COL10A1: variants seen among roughly 807,000 people sequenced by gnomAD.
COL10A1 encodes collagen type X alpha 1 chain.
A neutral mutation model predicts 18.2 loss-of-function variants in COL10A1; 10 were observed. The observed-to-expected ratio is 0.55, with a 90% confidence interval of 0.34 to 0.93. The LOEUF is 0.93. Ranked by LOEUF, COL10A1 falls within the 40% of genes least tolerant of loss-of-function variation. The pLI is 0.02. For synonymous variants in COL10A1, 330 were observed against 316.6 expected (o/e 1.04, Z -0.45); for missense variants, 897 against 853.5 (o/e 1.05, Z -0.64).
At chr6:116,140,338 CCTTTG>C (rs749929100) in intron 1 of COL10A1, among the ~76,000 whole-genome samples, 37 of 152,270 alleles carry the variant, frequency 2.4e-4, no homozygotes, top group Non-Finnish European at 3.4e-4. Flanking sequence ...GGGAGCACCA[CCTTTG>C]CTCTTCTGGG....
intron 1 of COL10A1, among the ~76,000 whole-genome samples, chr6:116,151,071 T>G (rs1001918587): frequency 2.0e-5 from 3 of 152,310 alleles, no homozygotes; most frequent in African/African-American, 4.8e-5. Flanking sequence ...TGAGTTTTTA[T>G]TTTTTTGTGA....
At chr6:116,159,634 T>C (rs2114422531), upstream of COL10A1, among the ~76,000 whole-genome samples, 1 of 152,318 alleles carries the variant, frequency 6.6e-6, no homozygotes, top group East Asian at 1.9e-4. Flanking sequence ...CTTTTTCCCC[T>C]TTTCTGTTAA....
At chr6:116,204,422 T>G in the COL10A1 span, among the ~76,000 whole-genome samples, 16 of 151,980 alleles carry the variant, frequency 1.1e-4, no homozygotes, top group African/African-American at 3.6e-4. Context: ...CAATGAGATG[T>G]CCACTTTCAC....
chr6:116,216,050 A>G, the COL10A1 span, among the ~76,000 whole-genome samples: 1 of 152,154 alleles, frequency 6.6e-6, no homozygotes, highest in African/African-American at 2.4e-5. Flanking sequence ...AATGAAATCC[A>G]TCATTCTGTA....
chr6:116,153,073 A>G (rs1304952832), intron 1 of COL10A1, among the ~76,000 whole-genome samples: 1 of 152,018 alleles, frequency 6.6e-6, no homozygotes, highest in African/African-American at 2.4e-5. Flanking sequence ...AGGCTAATAT[A>G]TAACATTTAA....
chr6:116,123,082 A>AT (rs1242037038), intron 2 of COL10A1, among the ~76,000 whole-genome samples: 8 of 152,220 alleles, frequency 5.3e-5, no homozygotes, highest in Non-Finnish European at 8.8e-5. Flanking sequence ...AAAATAGTGG[A>AT]TTTTTTAAAA....
the COL10A1 span, among the ~76,000 whole-genome samples, chr6:116,178,253 A>G: frequency 7.4e-4 from 112 of 152,212 alleles, 1 homozygote; most frequent in East Asian, 0.015. Context: ...CCTCTCTCCC[A>G]TCCAAGTACT....
rs560482671 is a variant in COL10A1 at position 116,150,824 on chromosome 6, G to A, written c.-16+7790C>T. Among the ~76,000 whole-genome samples, 8 of 152,272 alleles carry A rather than the reference G, an allele frequency of 5.3e-5. No individual in the cohort carries two copies. The East Asian group carries it at 1.5e-3, about 29-fold the overall frequency. On this transcript the variant is annotated intron_variant, in intron 1 of 1. Coordinates refer to the COL10A1 transcript ENST00000418500. ...AACCTTGGAGTCTTATATATCTAGT[G>A]AATATCAAATGTGAATTTGAGAATG... is the stretch of plus-strand genomic sequence containing the variant.
At chr6:116,175,382 G>C in the COL10A1 span, among the ~76,000 whole-genome samples, 1 of 152,000 alleles carries the variant, frequency 6.6e-6, no homozygotes, top group Non-Finnish European at 1.5e-5. Flanking sequence ...TTAATAGTTT[G>C]ACTATGATGT....
chr6:116,128,858 A>G (rs927866473), upstream of COL10A1, among the ~76,000 whole-genome samples: 3 of 152,174 alleles, frequency 2.0e-5, no homozygotes, highest in African/African-American at 7.2e-5. Flanking sequence ...TCAGTGTTCT[A>G]TTACCACCTT....
chr6:116,184,908 T>C, the COL10A1 span, among the ~76,000 whole-genome samples: 2 of 152,068 alleles, frequency 1.3e-5, no homozygotes, highest in Admixed American at 6.6e-5. Context: ...ATTTCTTTTC[T>C]TCTGCTGGGT....
At chr6:116,182,046 A>G in the COL10A1 span, among the ~76,000 whole-genome samples, 3 of 151,988 alleles carry the variant, frequency 2.0e-5, no homozygotes, top group Non-Finnish European at 2.9e-5. Context: ...CCGCGTCCCC[A>G]AAGTCCAGTG....
chr6:116,197,880 T>C, the COL10A1 span, among the ~76,000 whole-genome samples: 1 of 150,940 alleles, frequency 6.6e-6, no homozygotes, highest in Admixed American at 6.6e-5. Context: ...ATTGACTACT[T>C]TATATACACA....
Position 116,125,474 on chromosome 6 carries a change from A to G in COL10A1, c.19T>C (p.Phe7Leu), listed in dbSNP as rs745826013. 10 of 1,613,898 alleles carry G rather than the reference A, an allele frequency of 6.2e-6. No homozygotes were observed. The highest frequency in any genetic ancestry group is 8.5e-6 in the Non-Finnish European group (10 of 1,179,832). Residue 7 changes from phenylalanine to leucine, a missense_variant, in exon 2 of 3, where the codon TTT (phenylalanine) becomes CTT (leucine). Transcript: ENST00000651968. ...AAGTTCAAGGATACTAGCAGCAAAA[A>G]GGGTATTTGTGGCAGCATATTCTCA... MLPQIPFLLLVSLNLVH... is the reference protein window; with the variant it reads MLPQIPLLLLVSLNLVH...
At position 116,152,910 on chromosome 6, in the gene COL10A1, A is replaced by G. The variant is rs191642270; in HGVS notation, c.-16+5704T>C. ...TATGATGTCGCCAGAGAAAAGGAAA[A>G]GTAAATTTAAATAACCTATAATCCT... On this transcript the variant is annotated intron_variant, in intron 1 of 1. Transcript: ENST00000418500. Among the ~76,000 whole-genome samples, 1,098 of 152,202 alleles carry G rather than the reference A, an allele frequency of 7.2e-3. 8 individuals carry two copies. Among genetic ancestry groups the G allele is most frequent in the Non-Finnish European group, 0.011 (756 of 67,998 alleles).
Position 116,120,916 on chromosome 6 carries a change from C to T in COL10A1, c.1200G>A (p.Lys400=). The T allele has an allele frequency of 1.9e-6, 3 of 1,613,932 alleles. No individual in the cohort carries two copies. The highest frequency in any genetic ancestry group is 1.1e-5 in the South Asian group (1 of 91,076). The change falls in exon 3 of 3, where the codon AAG becomes AAA. Residue 400 remains lysine (K), a synonymous_variant. Coordinates refer to ENST00000651968, the MANE Select transcript of COL10A1 (RefSeq NM_000493.4). The stretch of plus-strand genomic sequence containing the variant: ...TTGGACCTGGTAACCCTGGGTTACC[C>T]TTAGGACCATCGAGACCTGGTTTTC... ...YPGKPGLDGP[K]GNPGLPGPKG...
chr6:116,162,083 T>A (rs1780348421), upstream of COL10A1, among the ~76,000 whole-genome samples: 1 of 152,196 alleles, frequency 6.6e-6, no homozygotes, highest in Non-Finnish European at 1.5e-5. Context: ...TGCTTGACCA[T>A]TGTTGGTGTA....
rs766327112 is a variant in COL10A1 at position 116,120,304 on chromosome 6, A to G, written c.1812T>C (p.His604=). ...PGIYYFSYHV[H]VKGTHVWVGL... ...CTACCCAAACATGAGTCCCTTTCAC[A>G]TGCACGTGGTATGAAAAATAGTATA... Residue 604 remains histidine (H), a synonymous_variant, in exon 3 of 3, where the codon CAT becomes CAC. Transcript: ENST00000651968. The G allele has an allele frequency of 2.5e-6, 4 of 1,614,222 alleles. No homozygotes were observed. The highest frequency in any genetic ancestry group is 2.2e-5 in the South Asian group (2 of 91,086).
chr6:116,120,787 ACCTCTTGGGCCAG>A lies in COL10A1; in HGVS notation c.1316_1328del (p.Ala439ValfsTer38), dbSNP rs1323730431. Reference sequence around the variant, plus strand: ...CTCTAGTACCTGGTATTCCAGGGGCACCTCTTGGGCCAGCCTCTCCATTGTGTCCGGGCATTCC... The same window carrying A: ...CTCTAGTACCTGGTATTCCAGGGGCACCTCTCCATTGTGTCCGGGCATTCC... On this transcript the variant is annotated frameshift_variant, in exon 3 of 3. Coordinates refer to ENST00000651968, the MANE Select transcript of COL10A1 (RefSeq NM_000493.4). LOFTEE classifies it low-confidence loss of function (END_TRUNC). The A allele has an allele frequency of 6.2e-7, 1 of 1,613,292 alleles. No homozygotes were observed. The highest frequency in any genetic ancestry group is 8.5e-7 in the Non-Finnish European group (1 of 1,179,774).
Sources: gnomAD v4.1 joint callset for allele counts (sites outside exome capture counted in the v4.1 genomes callset) on GRCh38, gnomAD v4.1.1 for gene constraint, MANE v1.5 for transcripts, NCBI Gene and HGNC (gene_info 2026-07-23, HGNC 2026-07-21) for gene names.